CD99L2: variants seen among roughly 807,000 people sequenced by gnomAD.
CD99L2 encodes the protein CD99 molecule like 2, also known as CD99 antigen-like protein 2.
Under a neutral mutation model 27.3 loss-of-function variants are expected in CD99L2, and 24 were observed. The observed-to-expected ratio is 0.88, with a 90% confidence interval of 0.64 to 1.24. The LOEUF (loss-of-function observed/expected upper bound fraction) is 1.24. Among genes scored for constraint, CD99L2 ranks in the 50% most tolerant of loss-of-function variants. The pLI is 0.00. For synonymous variants in CD99L2, 97 were observed against 87.9 expected (o/e 1.10, Z -0.58); for missense variants, 255 against 221.6 (o/e 1.15, Z -0.96).
chrX:150,783,839 G>GTGCT lies in CD99L2; in HGVS notation c.497-6361_497-6358dup, dbSNP rs1603288368. ...AGACCCGGAAGGAGAAGCTCAGGTA[G>GTGCT]TGCTCCTCTCCTTCTGGTGTTCTCT... On this transcript the variant is annotated intron_variant, in intron 7 of 10. Transcript: ENST00000370377. Among the ~76,000 whole-genome samples the GTGCT allele has an allele frequency of 3.6e-5, 4 of 111,801 alleles. No homozygotes were observed. The Admixed American group carries it at 3.8e-4, about 11-fold the overall frequency.
chrX:150,781,638 G>A (rs1458138177), intron 7 of CD99L2, among the ~76,000 whole-genome samples: 1 of 112,167 alleles, frequency 8.9e-6, no homozygotes, highest in Non-Finnish European at 1.9e-5. Flanking sequence ...TTTGCTTTGA[G>A]TATAGATACC....
intron 1 of CD99L2, among the ~76,000 whole-genome samples, chrX:150,880,485 C>T (rs1217412850): frequency 1.8e-5 from 2 of 111,838 alleles, no homozygotes; most frequent in Non-Finnish European, 3.8e-5. Context: ...TATATGAATG[C>T]CCAGAATAGG....
At chrX:150,817,551 C>T (rs2046181377) in intron 2 of CD99L2, among the ~76,000 whole-genome samples, 1 of 112,250 alleles carries the variant, frequency 8.9e-6, no homozygotes, top group East Asian at 2.8e-4. Flanking sequence ...AACATCAAGA[C>T]TATGTTGCAC....
intron 4 of CD99L2, among the ~76,000 whole-genome samples, chrX:150,801,726 A>G (rs1269726839): frequency 1.8e-5 from 2 of 112,580 alleles, no homozygotes; most frequent in African/African-American, 6.5e-5. Context: ...ATTAAACAGC[A>G]TGAAAAATGG....
rs148679991 is a variant in CD99L2, at chrX:150,873,493, G to A, written c.67+25029C>T. Among the ~76,000 whole-genome samples, 1,011 of 112,138 alleles carry A rather than the reference G, an allele frequency of 9.0e-3. 6 individuals are homozygous for A. Among genetic ancestry groups the A allele is most frequent in the South Asian group, 0.028 (75 of 2,690 alleles). ...AAGTGTTTCAGAGCTGGTGAGAGAC[G>A]CACAGCCTTGTGAACGCACTAAATG... On this transcript the variant is annotated intron_variant, in intron 1 of 10. Coordinates refer to ENST00000370377, the MANE Select transcript of CD99L2 (RefSeq NM_031462.4).
Position 150,771,885 on chromosome X carries a change from G to A in CD99L2, c.656-1516C>T, listed in dbSNP as rs182376321. 1.3e-3 allele frequency: 1,479 copies of A among 1,115,263 alleles called. 2 individuals carry two copies. Among genetic ancestry groups the A allele is most frequent in the Admixed American group, 2.7e-3 (103 of 38,473 alleles). 91.9% of individuals were successfully genotyped at this position (1,115,263 alleles called of 1,213,427 possible). The stretch of plus-strand genomic sequence containing the variant: ...AGAGCGCTCCTGACAGCAAACATGC[G>A]GGCTTTCCACACTGAGGGCAAAGGC... On this transcript the variant is annotated intron_variant, in intron 9 of 10. Transcript: ENST00000370377.
In CD99L2 at chrX:150,802,800, G is replaced by C. The variant is rs782813871; in HGVS notation, c.278-7314C>G. Reference sequence around the variant, plus strand: ...GTTTCACCGTGTTAGCCAGGATGGTGTCGATCTCCTGACCTCGTGATCTGC... The same window carrying C: ...GTTTCACCGTGTTAGCCAGGATGGTCTCGATCTCCTGACCTCGTGATCTGC... On this transcript the variant is annotated intron_variant, in intron 4 of 10. Transcript: ENST00000370377. Among the ~76,000 whole-genome samples the C allele has an allele frequency of 1.1e-3, 114 of 100,523 alleles. 1 individual carries two copies. The highest frequency in any genetic ancestry group is 8.6e-3 in the Admixed American group (78 of 9,075). The allele number at this position is 100,523 out of a possible 115,157, so 87.3% of individuals were successfully genotyped here.
At chrX:150,769,187 A>G in intron 10 of CD99L2, 86 bp from the exon 11 acceptor site, 1 of 1,041,690 alleles carries the variant, frequency 9.6e-7, no homozygotes, top group East Asian at 3.6e-5. Flanking sequence ...TGCTGGGAAC[A>G]GAACTGGGTT....
chrX:150,799,388 A>G (rs2045867196), intron 4 of CD99L2, among the ~76,000 whole-genome samples: 2 of 107,855 alleles, frequency 1.9e-5, no homozygotes, highest in African/African-American at 6.7e-5. Context: ...GTGGTGGCAC[A>G]CCTGTAGTCC....
chrX:150,890,312 C>T (rs1289794112), intron 1 of CD99L2, among the ~76,000 whole-genome samples: 1 of 108,207 alleles, frequency 9.2e-6, no homozygotes, highest in East Asian at 2.9e-4. Context: ...AACCCCGTCT[C>T]TACTGAAAAT....
intron 1 of CD99L2, among the ~76,000 whole-genome samples, chrX:150,840,117 A>C: frequency 9.1e-6 from 1 of 109,826 alleles, no homozygotes. Flanking sequence ...TGGGGGGATC[A>C]CTTGAGTCTG....
At chrX:150,829,450 A>C in intron 2 of CD99L2, 1 of 330,768 alleles carries the variant, frequency 3.0e-6, no homozygotes, top group Admixed American at 3.1e-5. Context: ...AGCCACCAGA[A>C]GTGGGGAAAG....
At chrX:150,793,430 A>T (rs781842040) in intron 7 of CD99L2, among the ~76,000 whole-genome samples, 1 of 112,382 alleles carries the variant, frequency 8.9e-6, no homozygotes, top group Admixed American at 9.4e-5. Flanking sequence ...CTTGGCAAAT[A>T]GGCTTCAGCC....
At chrX:150,883,943 G>A (rs1483080516) in intron 1 of CD99L2, among the ~76,000 whole-genome samples, 5 of 111,922 alleles carry the variant, frequency 4.5e-5, no homozygotes, top group African/African-American at 1.6e-4. Flanking sequence ...AAATATCATA[G>A]TCAAGTCTGA....
chrX:150,810,571 T>C (rs2046057240), intron 4 of CD99L2, among the ~76,000 whole-genome samples: 1 of 104,701 alleles, frequency 9.6e-6, no homozygotes, highest in Non-Finnish European at 2.0e-5. Flanking sequence ...GCAAGCAGAG[T>C]GAAGGAAGAA....
At chrX:150,769,343 G>A (rs1182365634) in intron 10 of CD99L2, among the ~76,000 whole-genome samples, 5 of 112,147 alleles carry the variant, frequency 4.5e-5, no homozygotes, top group East Asian at 2.8e-4. Context: ...AAAAATGAGC[G>A]TGTTCCTGCC....
intron 1 of CD99L2, among the ~76,000 whole-genome samples, chrX:150,861,075 G>A (rs1344320492): frequency 9.7e-6 from 1 of 102,879 alleles, no homozygotes; most frequent in Non-Finnish European, 2.0e-5. Flanking sequence ...CCAGGAGGCG[G>A]AGATTGCAGT....
intron 7 of CD99L2, among the ~76,000 whole-genome samples, chrX:150,783,658 G>A (rs186973926): frequency 1.8e-4 from 20 of 112,255 alleles, no homozygotes; most frequent in African/African-American, 6.5e-4. Context: ...GAAAAATGAG[G>A]CAGTGTTTCA....
At chrX:150,800,050 A>G (rs1307174887) in intron 4 of CD99L2, among the ~76,000 whole-genome samples, 2 of 112,628 alleles carry the variant, frequency 1.8e-5, no homozygotes, top group African/African-American at 6.5e-5. Context: ...TCAGGCTTAA[A>G]AGAAAGAAAC....
Sources: gnomAD v4.1 joint callset for allele counts (sites outside exome capture counted in the v4.1 genomes callset) on GRCh38, gnomAD v4.1.1 for gene constraint, MANE v1.5 for transcripts, NCBI Gene and HGNC (gene_info 2026-07-23, HGNC 2026-07-21) for gene names.